LHFPL3: variants seen among roughly 807,000 people sequenced by gnomAD.
LHFPL3 encodes LHFPL tetraspan subfamily member 3.
In LHFPL3, 5 loss-of-function variants were observed where a neutral mutation model predicts 19.3. That is an observed-to-expected ratio of 0.26 (90% CI 0.14 to 0.54). The LOEUF (loss-of-function observed/expected upper bound fraction) is 0.54. Among genes scored for constraint, LHFPL3 ranks in the 20% least tolerant of loss-of-function variants. The probability of loss-of-function intolerance (pLI) is 0.94; values close to 1 mark genes in which losing one functional copy is unlikely to be tolerated. For missense variants in LHFPL3, 249 were observed against 307.4 expected (o/e 0.81, Z 1.42); for synonymous variants, 133 against 126.2 (o/e 1.05, Z -0.36).
chr7:104,833,052 A>ATATCC (rs1554349419), intron 2 of LHFPL3, among the ~76,000 whole-genome samples: 7 of 7,206 alleles, frequency 9.7e-4, no homozygotes, highest in African/African-American at 2.5e-3. Flanking sequence ...TATTATATAT[A>ATATCC]TATTATATAT....
intron 1 of LHFPL3, among the ~76,000 whole-genome samples, chr7:104,618,983 G>C (rs10225413): frequency 0.96 from 145,980 of 152,284 alleles, 70,236 homozygotes; most frequent in South Asian, 1. Context: ...TATCCCCTAC[G>C]TACTAACTGT....
intron 1 of LHFPL3, among the ~76,000 whole-genome samples, chr7:104,522,438 A>G (rs1339685327): frequency 6.7e-6 from 1 of 150,248 alleles, no homozygotes; most frequent in Non-Finnish European, 1.5e-5. Context: ...CTAATGCGAG[A>G]TGACGAGTTA....
intron 1 of LHFPL3, among the ~76,000 whole-genome samples, chr7:104,585,521 A>ACACACACG (rs1790556756): frequency 6.7e-6 from 1 of 148,720 alleles, no homozygotes; most frequent in Admixed American, 6.7e-5. Flanking sequence ...ACACACACAC[A>ACACACACG]CGGCCTTGTC....
chr7:104,638,271 C>A (rs554173030), intron 1 of LHFPL3, among the ~76,000 whole-genome samples: 11 of 152,258 alleles, frequency 7.2e-5, no homozygotes, highest in Non-Finnish European at 1.5e-4. Context: ...TGTTTATCAG[C>A]TGAAGGAGCT....
At chr7:104,566,948 T>G (rs1790135861) in intron 1 of LHFPL3, among the ~76,000 whole-genome samples, 2 of 152,254 alleles carry the variant, frequency 1.3e-5, no homozygotes, top group South Asian at 4.1e-4. Flanking sequence ...AGAATTTCTC[T>G]TCTTAATGTA....
intron 2 of LHFPL3, among the ~76,000 whole-genome samples, chr7:104,808,475 C>T (rs1790408303): frequency 6.6e-6 from 1 of 152,136 alleles, no homozygotes; most frequent in Admixed American, 6.5e-5. Flanking sequence ...TGGAATTGTG[C>T]CTGGTGACTA....
intron 2 of LHFPL3, among the ~76,000 whole-genome samples, chr7:104,819,565 C>T (rs1250650898): frequency 1.3e-5 from 2 of 151,996 alleles, no homozygotes; most frequent in Admixed American, 1.3e-4. Context: ...AAAACAAAAA[C>T]AAAAACAAAA....
At chr7:104,406,940 AC>A (rs1562887991) in intron 1 of LHFPL3, among the ~76,000 whole-genome samples, 1 of 152,218 alleles carries the variant, frequency 6.6e-6, no homozygotes, top group Non-Finnish European at 1.5e-5. Context: ...AGCTAGAAAG[AC>A]CTTCAACTTT....
rs555641706 is a variant in LHFPL3 at position 104,699,478 on chromosome 7, G to A, written c.446-37197G>A. On this transcript the variant is annotated intron_variant, in intron 1 of 2. Transcript: ENST00000424859. Reference sequence around the variant, plus strand: ...ATATCGTATGATTCCTATTACGTGCGGTTCCATGAGTAGTCAAATTCATAG... The same window carrying A: ...ATATCGTATGATTCCTATTACGTGCAGTTCCATGAGTAGTCAAATTCATAG... Among the ~76,000 whole-genome samples, 6 of 152,194 alleles carry A rather than the reference G, an allele frequency of 3.9e-5. No individual in the cohort carries two copies. The South Asian group carries it at 6.2e-4, about 16-fold the overall frequency.
chr7:104,764,006 T>C (rs1285465589), intron 2 of LHFPL3, among the ~76,000 whole-genome samples: 1 of 152,226 alleles, frequency 6.6e-6, no homozygotes, highest in Non-Finnish European at 1.5e-5. Context: ...TCTTAATCTG[T>C]GTGTATATGT....
intron 2 of LHFPL3, among the ~76,000 whole-genome samples, chr7:104,897,802 C>G (rs1331971235): frequency 1.3e-5 from 2 of 151,924 alleles, no homozygotes; most frequent in Admixed American, 1.3e-4. Flanking sequence ...TTAAATAAAG[C>G]AATTAGATGC....
chr7:104,552,403 C>G (rs192815454), intron 1 of LHFPL3, among the ~76,000 whole-genome samples: 1 of 152,182 alleles, frequency 6.6e-6, no homozygotes. Flanking sequence ...TTAATTAGAG[C>G]TCAGTGGATT....
intron 2 of LHFPL3, among the ~76,000 whole-genome samples, chr7:104,767,706 A>C (rs1320885712): frequency 6.6e-6 from 1 of 152,190 alleles, no homozygotes; most frequent in Non-Finnish European, 1.5e-5. Flanking sequence ...AAGACGTGGA[A>C]GTTAGATAGA....
chr7:104,722,173 T>C (rs1793502283), intron 1 of LHFPL3, among the ~76,000 whole-genome samples: 1 of 152,202 alleles, frequency 6.6e-6, no homozygotes, highest in African/African-American at 2.4e-5. Flanking sequence ...ATCAACTAGA[T>C]AGTTCATACA....
intron 1 of LHFPL3, among the ~76,000 whole-genome samples, chr7:104,349,845 G>T (rs1478991699): frequency 6.6e-6 from 1 of 152,054 alleles, no homozygotes; most frequent in East Asian, 1.9e-4. Context: ...TTACTTTTTG[G>T]AAATGCCTTT....
intron 2 of LHFPL3, among the ~76,000 whole-genome samples, chr7:104,787,562 C>A (rs1584534087): frequency 1.3e-5 from 2 of 152,126 alleles, no homozygotes; most frequent in Admixed American, 1.3e-4. Flanking sequence ...ACGAAAATCT[C>A]TTTTTTGTGA....
chr7:104,529,362 T>C (rs1331085997), intron 1 of LHFPL3, among the ~76,000 whole-genome samples: 1 of 152,146 alleles, frequency 6.6e-6, no homozygotes, highest in Non-Finnish European at 1.5e-5. Context: ...AATGTCTCCA[T>C]CACGAGGAAT....
At chr7:104,822,168 G>A (rs1349897341) in intron 2 of LHFPL3, among the ~76,000 whole-genome samples, 2 of 152,126 alleles carry the variant, frequency 1.3e-5, no homozygotes, top group African/African-American at 4.8e-5. Flanking sequence ...AATAGCCCAA[G>A]GTTCATACTG....
intron 1 of LHFPL3, among the ~76,000 whole-genome samples, chr7:104,490,251 G>T (rs550973825): frequency 6.6e-6 from 1 of 152,144 alleles, no homozygotes; most frequent in African/African-American, 2.4e-5. Flanking sequence ...AGATAAAAAT[G>T]ACCTCCAAAC....
Sources: allele counts gnomAD v4.1 joint callset (sites outside exome capture counted in the v4.1 genomes callset), GRCh38; gene constraint gnomAD v4.1.1; transcripts MANE v1.5; gene names NCBI Gene and HGNC (gene_info 2026-07-23, HGNC 2026-07-21).